SHISA7: variants seen among roughly 807,000 people sequenced by gnomAD.
The protein encoded by SHISA7 is shisa family member 7.
Under a neutral mutation model 23.9 loss-of-function variants are expected in SHISA7, and 6 were observed. The observed-to-expected ratio is 0.25, with a 90% CI of 0.14 to 0.50. The LOEUF is 0.50. SHISA7 is among the 20% of genes least tolerant of loss of function. The probability of loss-of-function intolerance (pLI) is 0.98; values close to 1 mark genes in which losing one functional copy is unlikely to be tolerated. For synonymous variants in SHISA7, 386 were observed against 398.3 expected, an observed-to-expected ratio of 0.97 and a Z score of 0.37; for missense variants, 671 against 801.1, an observed-to-expected ratio of 0.84 and a Z score of 1.96.
chr19:55,436,029 G>A (rs985437710), intron 3 of SHISA7, among the ~76,000 whole-genome samples: 1 of 152,112 alleles, frequency 6.6e-6, no homozygotes, highest in Admixed American at 6.6e-5. Flanking sequence ...GCTCACACCT[G>A]TAATCCCAGC....
chr19:55,440,476 G>A (rs939042029), intron 2 of SHISA7, 135 bp downstream of exon 2: 1 of 822,424 alleles, frequency 1.2e-6, no homozygotes, highest in Non-Finnish European at 1.6e-6. Context: ...GGCAGGACCC[G>A]GCAGTGCAAG....
chr19:55,439,402 C>T (rs1281263776), intron 2 of SHISA7, among the ~76,000 whole-genome samples: 2 of 152,210 alleles, frequency 1.3e-5, no homozygotes, highest in Admixed American at 6.5e-5. Context: ...CCAGCCTCCT[C>T]CTGGGCCTCT....
chr19:55,442,130 C>A, intron 1 of SHISA7, 63 bp downstream of exon 1: 1 of 1,443,656 alleles, frequency 6.9e-7, no homozygotes, highest in Non-Finnish European at 9.2e-7. Flanking sequence ...CCTCGGATGG[C>A]TCCACCTCCC....
In SHISA7 at chr19:55,442,657, CG is replaced by C; in HGVS notation, c.206del (p.Ala69GlyfsTer75). 7.8e-7 allele frequency: 1 copy of C among 1,281,010 alleles called. No individual in the cohort carries two copies. Among genetic ancestry groups the C allele is most frequent in the South Asian group, 1.7e-5 (1 of 58,536 alleles). The allele number at this position is 1,281,010 out of a possible 1,614,324, so 79.4% of individuals were successfully genotyped here. On this transcript the variant is annotated frameshift_variant, in exon 1 of 4. Coordinates refer to ENST00000376325, the MANE Select transcript of SHISA7 (RefSeq NM_001145176.2). LOFTEE classifies it high-confidence loss of function. ...NGTRTGPAGG[A>X]GAAARAPPPA... The stretch of plus-strand genomic sequence containing the variant: ...GAGGGGGCGCCCGGGCCGCCGCGCC[CG>C]CCCCGCCCGCGGGGCCGGTCCTGGT...
intron 3 of SHISA7, among the ~76,000 whole-genome samples, chr19:55,434,565 TGTGTGTGTATGGTGTGTGTGTG>T (rs1473467589): frequency 9.6e-6 from 1 of 104,346 alleles, no homozygotes; most frequent in Non-Finnish European, 1.9e-5. Context: ...GTGTGTGTGG[TGTGTGTGTATGGTGTGTGTGTG>T]GTGTGTGTGT....
chr19:55,434,006 C>A (rs73932636), intron 3 of SHISA7, among the ~76,000 whole-genome samples: 4 of 151,636 alleles, frequency 2.6e-5, no homozygotes, highest in Admixed American at 6.6e-5. Context: ...TTCTTCCCCC[C>A]CGCGCCGCCT....
rs141861600 is a variant in SHISA7 at position 55,429,825 on chromosome 19, T to TC, written c.*3330dup. The TC allele has an allele frequency of 0.38, 58,088 of 151,850 alleles. 12,121 individuals carry two copies. Among genetic ancestry groups the TC allele is most frequent in the East Asian group, 0.81 (4,162 of 5,112 alleles). The allele number at this position is 151,850 out of a possible 1,614,324, so 9.4% of individuals were successfully genotyped here. ...GAGGGAGGTGAAGGAGCACCCCTGG[T>TC]CCCGCAGATGTGCTGGCAGGGACCA... is the stretch of plus-strand genomic sequence containing the variant. On this transcript the variant is annotated 3_prime_UTR_variant, in exon 4 of 4. Transcript: ENST00000376325.
At chr19:55,435,070 T>G (rs137954076) in intron 3 of SHISA7, among the ~76,000 whole-genome samples, 1 of 60,992 alleles carries the variant, frequency 1.6e-5, no homozygotes, top group African/African-American at 8.0e-5. Context: ...GTAGTGTGTA[T>G]GGTGTGTGTG....
In SHISA7 at chr19:55,442,361, C is replaced by A; in HGVS notation, c.503G>T (p.Gly168Val). The A allele has an allele frequency of 7.0e-7, 1 of 1,428,888 alleles. No individual in the cohort carries two copies. Among genetic ancestry groups the A allele is most frequent in the Non-Finnish European group, 9.1e-7 (1 of 1,099,734 alleles). The allele number at this position is 1,428,888 out of a possible 1,614,324, so 88.5% of individuals were successfully genotyped here. ...GPGQAGWLEG[G>V]RTGGAGGRGG... ...GCGGCCCCCGGCACCCCCAGTCCGGCCCCCTTCCAACCACCCGGCCTGGCC... is the reference window on the plus strand; with the variant it reads ...GCGGCCCCCGGCACCCCCAGTCCGGACCCCTTCCAACCACCCGGCCTGGCC... The change falls in exon 1 of 4, where the codon GGC becomes GTC. Residue 168 changes from glycine (G) to valine (V), a missense_variant. This residue lies in a region of SHISA7 where 59 missense variants were observed against 57.2 expected (regional missense o/e 1.03). Transcript: ENST00000376325.
At chr19:55,434,660 GTGTGTGTGT>G (rs1568450473) in intron 3 of SHISA7, among the ~76,000 whole-genome samples, 1 of 81,454 alleles carries the variant, frequency 1.2e-5, no homozygotes. Context: ...GGTGTGTGTG[GTGTGTGTGT>G]ATGGTGTGTG....
intron 2 of SHISA7, among the ~76,000 whole-genome samples, chr19:55,439,434 G>A (rs1332891059): frequency 6.6e-6 from 1 of 152,148 alleles, no homozygotes; most frequent in Admixed American, 6.6e-5. Context: ...TCTGCCCTTT[G>A]CATGGGTTCC....
At chr19:55,440,161 T>G (rs1383343543) in intron 2 of SHISA7, among the ~76,000 whole-genome samples, 1 of 152,214 alleles carries the variant, frequency 6.6e-6, no homozygotes, top group Non-Finnish European at 1.5e-5. Flanking sequence ...AGTATTGTTA[T>G]GTTTCTTATT....
intron 2 of SHISA7, among the ~76,000 whole-genome samples, chr19:55,438,971 C>T (rs1389631162): frequency 6.6e-6 from 1 of 152,128 alleles, no homozygotes; most frequent in Non-Finnish European, 1.5e-5. Context: ...ACATCTGAAT[C>T]TCTGCCCTGA....
rs1985578231 is a variant in SHISA7, at chr19:55,440,677, C to T, written c.760G>A (p.Gly254Ser). The change falls in exon 2 of 4, where the codon GGT becomes AGT. Residue 254 changes from glycine (G) to serine (S), a missense_variant. This residue lies in a region of SHISA7 where 457 missense variants were observed against 488.3 expected (regional missense o/e 0.94). Coordinates refer to ENST00000376325, the MANE Select transcript of SHISA7 (RefSeq NM_001145176.2). The part of the protein sequence containing the change: ...RSSSLTPGIG[G>S]PDSMPPRTPK... Reference sequence around the variant, plus strand: ...GTCCTGGGGGGCATGCTGTCGGGACCGCCGATCCCCGGGGTCAGGGAGCTG... The same window carrying T: ...GTCCTGGGGGGCATGCTGTCGGGACTGCCGATCCCCGGGGTCAGGGAGCTG... 8.0e-7 allele frequency: 1 copy of T among 1,249,702 alleles called. No homozygotes were observed. The highest frequency in any genetic ancestry group is 1.0e-6 in the Non-Finnish European group (1 of 988,360). 77.4% of individuals were successfully genotyped at this position (1,249,702 alleles called of 1,614,324 possible).
At chr19:55,439,059 G>A (rs1985534849) in intron 2 of SHISA7, among the ~76,000 whole-genome samples, 1 of 152,112 alleles carries the variant, frequency 6.6e-6, no homozygotes, top group African/African-American at 2.4e-5. Context: ...GCCTCACCGA[G>A]GTAACTGCCC....
intron 1 of SHISA7, 111 bp from the exon 2 acceptor site, chr19:55,440,876 C>T (rs943807164): frequency 1.8e-6 from 2 of 1,088,780 alleles, no homozygotes; most frequent in African/African-American, 3.2e-5. Context: ...GTCACTCAGC[C>T]TGCCTTTTTC....
chr19:55,442,194 T>C lies in SHISA7; in HGVS notation c.670A>G (p.Arg224Gly). 1 of 1,532,702 alleles carries C rather than the reference T, an allele frequency of 6.5e-7. No homozygotes were observed. The highest frequency in any genetic ancestry group is 8.7e-7 in the Non-Finnish European group (1 of 1,145,078). 94.9% of individuals were successfully genotyped at this position (1,532,702 alleles called of 1,614,324 possible). A position where few individuals can be genotyped will look rare whatever the true frequency, so the allele number is the denominator to read the frequency against. ...PRAHRDINVP[R>G]ALVDILRHQA... ...CCTCCCGCCCGAGAGCACACGCACC[T>C]GGGCACGTTGATATCCCGGTGCGCC... Residue 224 changes from arginine to glycine, a missense_variant and splice_region_variant, in exon 1 of 4, where the codon AGA becomes GGA. Coordinates refer to ENST00000376325, the MANE Select transcript of SHISA7 (RefSeq NM_001145176.2).
chr19:55,436,654 A>G (rs1424726813), intron 3 of SHISA7, among the ~76,000 whole-genome samples: 1 of 151,746 alleles, frequency 6.6e-6, no homozygotes, highest in Non-Finnish European at 1.5e-5. Flanking sequence ...CACTCCTGTA[A>G]TCTCAGCACT....
Position 55,442,787 on chromosome 19 carries a change from C to T in SHISA7, c.77G>A (p.Ser26Asn). 4.7e-6 allele frequency: 6 copies of T among 1,275,844 alleles called. No individual in the cohort carries two copies. The highest frequency in any genetic ancestry group is 5.9e-6 in the Non-Finnish European group (6 of 1,011,766). 79.0% of individuals were successfully genotyped at this position (1,275,844 alleles called of 1,614,324 possible). The change falls in exon 1 of 4, where the codon AGC (serine) becomes AAC (asparagine). Residue 26 changes from serine to asparagine, a missense_variant. By Grantham distance (46) the Ser-to-Asn change is conservative. Coordinates refer to ENST00000376325, the MANE Select transcript of SHISA7 (RefSeq NM_001145176.2). ...QARARPSNAT[S>N]AEPAGPLPAL... is the part of the protein sequence containing the mutation. ...GGGCAGCGGGCCCGCGGGCTCGGCG[C>T]TCGTGGCGTTGGACGGGCGCGCCCT...
Sources: allele counts gnomAD v4.1 joint callset (sites outside exome capture counted in the v4.1 genomes callset), GRCh38; gene constraint gnomAD v4.1.1; regional missense constraint gnomAD v4.1.1; transcripts MANE v1.5; gene names NCBI Gene and HGNC (gene_info 2026-07-23, HGNC 2026-07-21).